Variants in DENND6B observed in about 807,000 individuals in gnomAD.
DENND6B encodes the protein DENN domain containing 6B.
Under a neutral mutation model 85.1 loss-of-function variants are expected in DENND6B, and 73 were observed. That is an observed-to-expected ratio of 0.86 (90% CI 0.71 to 1.04). The LOEUF is 1.04. Among genes scored for constraint, DENND6B ranks in the 50% least tolerant of loss-of-function variants. The pLI, the probability that DENND6B is intolerant of heterozygous loss-of-function variation, is 0.00. For synonymous variants in DENND6B, 357 were observed against 329.3 expected (o/e 1.08, Z -0.91); for missense variants, 715 against 785.8 (o/e 0.91, Z 1.08).
At chr22:50,313,906 A>G in intron 13 of DENND6B, 28 bp from the exon 14 acceptor site, 1 of 1,588,610 alleles carries the variant, frequency 6.3e-7, no homozygotes, top group Non-Finnish European at 8.5e-7. Context: ...CTGGCGCCCC[A>G]CCCTTCAAGG....
In DENND6B at chr22:50,313,832, C is replaced by T; in HGVS notation, c.1185G>A (p.Leu395=). The T allele has an allele frequency of 6.2e-7, 1 of 1,612,154 alleles. No homozygotes were observed. The part of the protein sequence containing the change: ...YTAHLHRDKA[L]LKRLLKGVQK... The stretch of plus-strand genomic sequence containing the variant: ...CATATACCTTGAGCAGCCGTTTGAG[C>T]AGCGCCTTGTCGCGGTGGAGGTGGG... Residue 395 remains leucine, a synonymous_variant, in exon 14 of 20, where the codon CTG becomes CTA. Coordinates refer to ENST00000413817, the MANE Select transcript of DENND6B (RefSeq NM_001001794.4).
intron 9 of DENND6B, 75 bp from the exon 10 acceptor site, chr22:50,314,996 T>G: frequency 6.3e-7 from 1 of 1,577,890 alleles, no homozygotes; most frequent in Non-Finnish European, 8.6e-7. Flanking sequence ...TCTCCCACCG[T>G]TCACCCAGGC....
chr22:50,319,511 G>A (rs2041973159), intron 1 of DENND6B: 1 of 970,696 alleles, frequency 1.0e-6, no homozygotes, highest in Non-Finnish European at 1.2e-6. Flanking sequence ...CAGAAGGGTA[G>A]TGCTTCAGGG....
rs1366273644 is a variant in DENND6B at position 50,310,310 on chromosome 22, T to A, written c.*1829A>T. 6.6e-6 allele frequency: 1 copy of A among 152,278 alleles called. No individual in the cohort carries two copies. The highest frequency in any genetic ancestry group is 1.5e-5 in the Non-Finnish European group (1 of 68,082). 9.4% of individuals were successfully genotyped at this position (152,278 alleles called of 1,614,324 possible). On this transcript the variant is annotated 3_prime_UTR_variant, in exon 20 of 20. Coordinates refer to ENST00000413817, the MANE Select transcript of DENND6B (RefSeq NM_001001794.4). ...ATGTGTTCTGTTTCATGTGGTCACA[T>A]CCTTGGACCCTGCACCAGACATCTG...
chr22:50,319,041 T>C (rs67488807), intron 1 of DENND6B, 38 bp from the exon 2 acceptor site: 689,607 of 1,570,308 alleles, frequency 0.44, 156,359 homozygotes, highest in African/African-American at 0.67. Flanking sequence ...ACACCATCTG[T>C]CCGAGGAGGC....
At chr22:50,324,203 C>G (rs1017454016) in intron 1 of DENND6B, among the ~76,000 whole-genome samples, 1 of 152,180 alleles carries the variant, frequency 6.6e-6, no homozygotes, top group Admixed American at 6.5e-5. Context: ...CTCAAGCAGG[C>G]TGCACTGCAC....
In DENND6B at chr22:50,317,297, T is replaced by G; in HGVS notation, c.449A>C (p.Gln150Pro). ...KDSSVKRGYF[Q>P]KSLVLVSRLP... is the part of the protein sequence containing the mutation. Reference sequence around the variant, plus strand: ...CAGAGTGGCCAAGCAGCGCACCTTCTGGAAGTAGCCCCTCTTCACAGAGCT... The same window carrying G: ...CAGAGTGGCCAAGCAGCGCACCTTCGGGAAGTAGCCCCTCTTCACAGAGCT... Residue 150 changes from glutamine (Q) to proline (P), a missense_variant, in exon 5 of 20, where the codon CAG becomes CCG. By Grantham distance (76) the Gln-to-Pro change is moderately conservative. Transcript: ENST00000413817. 2 of 1,612,676 alleles carry G rather than the reference T, an allele frequency of 1.2e-6. No homozygotes were observed. The highest frequency in any genetic ancestry group is 1.7e-6 in the Non-Finnish European group (2 of 1,179,550).
chr22:50,326,961 G>C lies in DENND6B; in HGVS notation c.28C>G (p.Arg10Gly). The C allele has an allele frequency of 1.6e-6, 2 of 1,265,950 alleles. No individual in the cohort carries two copies. Among genetic ancestry groups the C allele is most frequent in the Non-Finnish European group, 2.0e-6 (2 of 1,011,230 alleles). The allele number at this position is 1,265,950 out of a possible 1,614,324, so 78.4% of individuals were successfully genotyped here. A position where few individuals can be genotyped will look rare whatever the true frequency, so the allele number is the denominator to read the frequency against. Residue 10 changes from arginine (R) to glycine (G), a missense_variant, in exon 1 of 20, where the codon CGC becomes GGC. Coordinates refer to ENST00000413817, the MANE Select transcript of DENND6B (RefSeq NM_001001794.4). MDALLGTGP[R>G]RARGCLGAAG... is the part of the protein sequence containing the mutation. ...GCGCCCAGGCAGCCGCGAGCCCGGCGAGGCCCTGTGCCCAACAGCGCGTCC... is the reference window on the plus strand; with the variant it reads ...GCGCCCAGGCAGCCGCGAGCCCGGCCAGGCCCTGTGCCCAACAGCGCGTCC...
intron 3 of DENND6B, 43 bp from the exon 4 acceptor site, chr22:50,318,063 C>T: frequency 1.3e-6 from 2 of 1,596,662 alleles, no homozygotes; most frequent in Non-Finnish European, 1.7e-6. Flanking sequence ...GGCCGGGAGC[C>T]TCTTCTGCAG....
At chr22:50,326,119 G>A (rs2042182299) in intron 1 of DENND6B, among the ~76,000 whole-genome samples, 1 of 152,246 alleles carries the variant, frequency 6.6e-6, no homozygotes. Context: ...GGGCCTCCCT[G>A]GAGGAAAGGA....
At chr22:50,323,266 C>T (rs1397986838) in intron 1 of DENND6B, among the ~76,000 whole-genome samples, 2 of 149,050 alleles carry the variant, frequency 1.3e-5, no homozygotes, top group African/African-American at 4.9e-5. Context: ...CAGGTTTGTG[C>T]CACCATGCCT....
chr22:50,326,726 C>G, intron 1 of DENND6B, 86 bp downstream of exon 1: 1 of 1,183,422 alleles, frequency 8.5e-7, no homozygotes, highest in Non-Finnish European at 1.1e-6. Context: ...GAGTGCGGGG[C>G]GGCCGAGGGC....
chr22:50,314,904 A>G lies in DENND6B; in HGVS notation c.776T>C (p.Leu259Pro), dbSNP rs2041751242. Reference protein sequence around the residue: ...LDLFRCFRPVLTHMQTLWELM... With the variant: ...LDLFRCFRPVPTHMQTLWELM... ...CTCCCACAGTGTCTGCATATGAGTC[A>G]GCACAGGCCGGAAGCACCTGGGGCC... Residue 259 changes from leucine to proline, a missense_variant, in exon 10 of 20, where the codon CTG becomes CCG. Physicochemically the swap from Leu to Pro is moderately conservative, Grantham distance 98. Coordinates refer to ENST00000413817, the MANE Select transcript of DENND6B (RefSeq NM_001001794.4). The G allele has an allele frequency of 8.7e-6, 14 of 1,611,514 alleles. No individual in the cohort carries two copies. The highest frequency in any genetic ancestry group is 1.2e-5 in the Non-Finnish European group (14 of 1,178,988).
At position 50,310,161 on chromosome 22, in the gene DENND6B, T is replaced by C. The variant is rs2068040799; in HGVS notation, c.*1978A>G. ...GACCCTCTAGAGACCAAGCCCTCAG[T>C]GGGGAGGCTGGTCCCCCTGTGCTAC... is the stretch of plus-strand genomic sequence containing the variant. On this transcript the variant is annotated 3_prime_UTR_variant, in exon 20 of 20. Transcript: ENST00000413817. The C allele has an allele frequency of 6.6e-6, 1 of 152,224 alleles. No homozygotes were observed. Among genetic ancestry groups the C allele is most frequent in the Non-Finnish European group, 1.5e-5 (1 of 68,040 alleles). The allele number at this position is 152,224 out of a possible 1,614,324, so 9.4% of individuals were successfully genotyped here.
intron 1 of DENND6B, among the ~76,000 whole-genome samples, chr22:50,325,042 C>G (rs2042153829): frequency 6.6e-6 from 1 of 152,164 alleles, no homozygotes; most frequent in Non-Finnish European, 1.5e-5. Context: ...CTGTGACTTC[C>G]AGGTGAGGGA....
chr22:50,312,115 G>C lies in DENND6B; in HGVS notation c.*24C>G. The C allele has an allele frequency of 6.2e-7, 1 of 1,610,512 alleles. No individual in the cohort carries two copies. The highest frequency in any genetic ancestry group is 8.5e-7 in the Non-Finnish European group (1 of 1,178,856). On this transcript the variant is annotated 3_prime_UTR_variant, in exon 20 of 20. Coordinates refer to ENST00000413817, the MANE Select transcript of DENND6B (RefSeq NM_001001794.4). Reference sequence around the variant, plus strand: ...GAGGCTCAGGCAGACCTAGGGCCCTGGGACCGTGGCCCTTGGCTTTGTTCT... The same window carrying C: ...GAGGCTCAGGCAGACCTAGGGCCCTCGGACCGTGGCCCTTGGCTTTGTTCT...
At chr22:50,323,345 A>T (rs1205581197) in intron 1 of DENND6B, among the ~76,000 whole-genome samples, 3 of 145,604 alleles carry the variant, frequency 2.1e-5, no homozygotes, top group Non-Finnish European at 4.5e-5. Flanking sequence ...GCTGGAGTGC[A>T]GTGGCACGAT....
In DENND6B at chr22:50,313,514, G is replaced by A; in HGVS notation, c.1294-15C>T. 1 of 1,543,514 alleles carries A rather than the reference G, an allele frequency of 6.5e-7. No homozygotes were observed. The highest frequency in any genetic ancestry group is 8.7e-7 in the Non-Finnish European group (1 of 1,143,276). ...ATGTAGTGCTCCTGGGTGGGGAAGGGAGGGGAGTGAGCCCGGGGACCCATG... is the reference window on the plus strand; with the variant it reads ...ATGTAGTGCTCCTGGGTGGGGAAGGAAGGGGAGTGAGCCCGGGGACCCATG... On this transcript the variant is annotated splice_polypyrimidine_tract_variant and intron_variant, in intron 15 of 19. Coordinates refer to ENST00000413817, the MANE Select transcript of DENND6B (RefSeq NM_001001794.4).
chr22:50,313,913 A>G, intron 13 of DENND6B, 35 bp from the exon 14 acceptor site: 1 of 1,580,008 alleles, frequency 6.3e-7, no homozygotes. Context: ...CCCACCCTTC[A>G]AGGGCCTCCC....
Sources: allele counts gnomAD v4.1 joint callset (sites outside exome capture counted in the v4.1 genomes callset), GRCh38; gene constraint gnomAD v4.1.1; transcripts MANE v1.5; gene names NCBI Gene and HGNC (gene_info 2026-07-23, HGNC 2026-07-21).